The following WWP2 variants were observed in gnomAD, a reference collection of about 807,000 sequenced individuals.
WWP2 encodes the protein WW domain containing E3 ubiquitin protein ligase 2, also known as NEDD4-like E3 ubiquitin-protein ligase WWP2.
WWP2 carries 57 observed loss-of-function variants against 121.0 expected under a neutral mutation model. That is an observed-to-expected ratio of 0.47 (90% CI 0.38 to 0.59). WWP2 has a LOEUF of 0.59. Ranked by LOEUF, WWP2 falls within the 20% of genes least tolerant of loss-of-function variation. The probability of loss-of-function intolerance (pLI) is 0.00; values close to 1 mark genes in which losing one functional copy is unlikely to be tolerated. For missense variants in WWP2, 962 were observed against 1,158.9 expected, an observed-to-expected ratio of 0.83 and a Z score of 2.47; for synonymous variants, 449 against 441.3, an observed-to-expected ratio of 1.02 and a Z score of -0.22.
chr16:69,849,097 A>G (rs984460244), intron 6 of WWP2, among the ~76,000 whole-genome samples: 1 of 152,244 alleles, frequency 6.6e-6, no homozygotes. Flanking sequence ...ATAGATCATC[A>G]ACTGTGTCTG....
chr16:69,791,944 G>A (rs2055921412), intron 2 of WWP2, among the ~76,000 whole-genome samples: 1 of 149,960 alleles, frequency 6.7e-6, no homozygotes, highest in African/African-American at 2.5e-5. Context: ...GGTGGAAAGA[G>A]CCAGCTTGAT....
chr16:69,860,840 T>TA (rs11464525), intron 6 of WWP2, among the ~76,000 whole-genome samples: 85,428 of 144,860 alleles, frequency 0.59, 25,782 homozygotes, highest in East Asian at 0.89. Context: ...GATCTCTAGT[T>TA]AAAAAAAAAA....
At chr16:69,826,429 G>A (rs761261074) in intron 4 of WWP2, among the ~76,000 whole-genome samples, 8 of 151,624 alleles carry the variant, frequency 5.3e-5, no homozygotes, top group Non-Finnish European at 1.0e-4. Context: ...AAAATTAGCC[G>A]GGCGTGATGG....
chr16:69,762,731 C>T (rs949613754), intron 1 of WWP2, among the ~76,000 whole-genome samples: 6 of 152,136 alleles, frequency 3.9e-5, no homozygotes, highest in African/African-American at 1.4e-4. Flanking sequence ...GGATCGGGAC[C>T]AGGGGAAGGG....
chr16:69,925,627 C>A lies in WWP2; in HGVS notation c.1234+143C>A. The A allele has an allele frequency of 8.6e-7, 1 of 1,158,800 alleles. No homozygotes were observed. The highest frequency in any genetic ancestry group is 1.9e-5 in the South Asian group (1 of 51,932). 71.8% of individuals were successfully genotyped at this position (1,158,800 alleles called of 1,614,324 possible). Reference sequence around the variant, plus strand: ...TCCAGCACACTCTCTGGGCATGCCCCACCAGAGCAATTACAGGTGATGGAG... The same window carrying A: ...TCCAGCACACTCTCTGGGCATGCCCAACCAGAGCAATTACAGGTGATGGAG... On this transcript the variant is annotated intron_variant, in intron 11 of 23. Transcript: ENST00000359154. This position sits in a 1 kb window ranked among gnomAD's most constrained non-coding sequence, Gnocchi z 4.0.
At chr16:69,826,694 A>G (rs887067208) in intron 4 of WWP2, among the ~76,000 whole-genome samples, 1 of 149,078 alleles carries the variant, frequency 6.7e-6, no homozygotes, top group Non-Finnish European at 1.5e-5. Flanking sequence ...CCTGGCTAAC[A>G]TGGTGAAACC....
At chr16:69,922,004 G>A (rs1436551004) in intron 10 of WWP2, among the ~76,000 whole-genome samples, 1 of 151,500 alleles carries the variant, frequency 6.6e-6, no homozygotes, top group Admixed American at 6.6e-5. Flanking sequence ...AACTCGGGAG[G>A]CAGAGGTTGG....
rs772951367 is a variant in WWP2 at position 69,937,199 on chromosome 16, G to T, written c.2199G>T (p.Pro733=). 16 of 1,613,774 alleles carry T rather than the reference G, an allele frequency of 9.9e-6. No homozygotes were observed. The highest frequency in any genetic ancestry group is 1.3e-5 in the Non-Finnish European group (15 of 1,179,996). Residue 733 remains proline (P), a synonymous_variant, in exon 20 of 24, where the codon CCG becomes CCT. Transcript: ENST00000359154. The surrounding 1 kb of genome is among the most constrained non-coding windows in gnomAD (Gnocchi z 6.6). ...TGGATGGCTTCAACGAGGTGGCCCC[G>T]CTGGAGTGGCTGCGCTACTTTGACG... ...AFLDGFNEVA[P]LEWLRYFDEK... is the part of the protein sequence containing the mutation.
intron 4 of WWP2, among the ~76,000 whole-genome samples, chr16:69,818,787 A>G (rs1204969307): frequency 6.6e-6 from 1 of 152,078 alleles, no homozygotes; most frequent in Admixed American, 6.6e-5. Flanking sequence ...GTCTGCAAAC[A>G]TGGGGGTGCT....
intron 8 of WWP2, among the ~76,000 whole-genome samples, chr16:69,899,818 A>T (rs2058173263): frequency 1.3e-5 from 2 of 148,620 alleles, no homozygotes; most frequent in Admixed American, 1.4e-4. Flanking sequence ...TCTTAGTGTT[A>T]TGTTTAATAA....
intron 2 of WWP2, among the ~76,000 whole-genome samples, chr16:69,796,690 G>C (rs1567670771): frequency 6.6e-6 from 1 of 152,198 alleles, no homozygotes; most frequent in Non-Finnish European, 1.5e-5. Context: ...CTTACCACCA[G>C]GTGGCCTCAG....
chr16:69,763,973 T>C (rs2038673218), intron 1 of WWP2, among the ~76,000 whole-genome samples: 1 of 152,222 alleles, frequency 6.6e-6, no homozygotes, highest in Admixed American at 6.5e-5. Flanking sequence ...CTCAGTCTCT[T>C]TCACTTCATG....
At chr16:69,877,514 T>C (rs1399530199) in intron 7 of WWP2, among the ~76,000 whole-genome samples, 1 of 152,226 alleles carries the variant, frequency 6.6e-6, no homozygotes, top group Non-Finnish European at 1.5e-5. Context: ...ATCACTCAAG[T>C]GTTCATCAGA....
intron 7 of WWP2, among the ~76,000 whole-genome samples, chr16:69,885,137 ACACATTC>A (rs2057901851): frequency 1.3e-5 from 2 of 150,668 alleles, no homozygotes; most frequent in Non-Finnish European, 3.0e-5. Flanking sequence ...ACACACACAC[ACACATTC>A]TTCTTCTTTA....
At chr16:69,803,636 G>A (rs184307947) in intron 4 of WWP2, among the ~76,000 whole-genome samples, 6 of 152,288 alleles carry the variant, frequency 3.9e-5, no homozygotes, top group East Asian at 1.9e-4. Context: ...AAGGCAGGGC[G>A]CAGTGACTTA....
intron 10 of WWP2, among the ~76,000 whole-genome samples, chr16:69,922,444 C>T (rs923339265): frequency 2.0e-5 from 3 of 152,228 alleles, no homozygotes; most frequent in African/African-American, 7.2e-5. Flanking sequence ...CACCCCAGAT[C>T]TCCCAACCCA....
Position 69,781,013 on chromosome 16 carries a change from G to A in WWP2, c.-15-5983G>A, listed in dbSNP as rs117869518. Among the ~76,000 whole-genome samples the A allele has an allele frequency of 6.2e-3, 949 of 152,204 alleles. 8 individuals are homozygous for A. Among genetic ancestry groups the A allele is most frequent in the Non-Finnish European group, 0.011 (755 of 68,016 alleles). ...ACTGCACTCCATCCTGGGTGACAGG[G>A]CTAGACCCTGTCTCAAAAAAACAGG... On this transcript the variant is annotated intron_variant, in intron 1 of 23. Transcript: ENST00000359154.
chr16:69,843,167 C>T (rs2057010900), intron 6 of WWP2, among the ~76,000 whole-genome samples: 1 of 152,058 alleles, frequency 6.6e-6, no homozygotes, highest in African/African-American at 2.4e-5. Flanking sequence ...ATGCTTAGAG[C>T]AATGGTTCTT....
At chr16:69,847,683 C>T (rs1275725126) in intron 6 of WWP2, among the ~76,000 whole-genome samples, 1 of 152,142 alleles carries the variant, frequency 6.6e-6, no homozygotes. Context: ...GCTGGGATTA[C>T]AGCTGTGAGC....
Sources: gnomAD v4.1 joint callset for allele counts (sites outside exome capture counted in the v4.1 genomes callset) on GRCh38, gnomAD v4.1.1 for gene constraint, Gnocchi (gnomAD v3.1) non-coding constraint, MANE v1.5 for transcripts, NCBI Gene and HGNC (gene_info 2026-07-23, HGNC 2026-07-21) for gene names.